Variants in CCDC148 observed in about 807,000 individuals in gnomAD.
CCDC148 encodes coiled-coil domain containing 148.
A neutral mutation model predicts 85.7 loss-of-function variants in CCDC148; 89 were observed. That is an observed-to-expected ratio of 1.04 (90% confidence interval 0.87 to 1.24). CCDC148 has a LOEUF of 1.24. Among genes scored for constraint, CCDC148 ranks in the 50% most tolerant of loss-of-function variants. The probability of loss-of-function intolerance (pLI) is 0.00; values close to 1 mark genes in which losing one functional copy is unlikely to be tolerated. For synonymous variants in CCDC148, 230 were observed against 213.9 expected (o/e 1.08, Z -0.66); for missense variants, 692 against 671.7 (o/e 1.03, Z -0.33).
chr2:158,201,105 T>C (rs896364353), intron 11 of CCDC148, among the ~76,000 whole-genome samples: 13 of 140,622 alleles, frequency 9.2e-5, no homozygotes, highest in African/African-American at 3.3e-4. Flanking sequence ...ATTGTTTCCC[T>C]TACTGTGATG....
At chr2:158,388,036 AAAG>A (rs1407630083) in intron 1 of CCDC148, among the ~76,000 whole-genome samples, 1 of 152,224 alleles carries the variant, frequency 6.6e-6, no homozygotes, top group Non-Finnish European at 1.5e-5. Context: ...AGGAAGGGAC[AAAG>A]AAGAGAAGGA....
chr2:158,414,984 G>T (rs1426513056), intron 1 of CCDC148, among the ~76,000 whole-genome samples: 1 of 151,960 alleles, frequency 6.6e-6, no homozygotes, highest in Admixed American at 6.6e-5. Flanking sequence ...AGAGATAATG[G>T]CAACAATATC....
At chr2:158,354,525 C>A (rs1457187352) in intron 2 of CCDC148, among the ~76,000 whole-genome samples, 1 of 152,024 alleles carries the variant, frequency 6.6e-6, no homozygotes, top group African/African-American at 2.4e-5. Context: ...AAGACTAAAC[C>A]AGGAAGAAGT....
chr2:158,193,109 T>G (rs560785434), intron 11 of CCDC148, among the ~76,000 whole-genome samples: 1 of 152,220 alleles, frequency 6.6e-6, no homozygotes, highest in Admixed American at 6.6e-5. Context: ...TACATCTTTC[T>G]GATATCATGT....
intron 11 of CCDC148, among the ~76,000 whole-genome samples, chr2:158,195,440 C>T (rs559674175): frequency 6.6e-6 from 1 of 152,164 alleles, no homozygotes; most frequent in Admixed American, 6.5e-5. Context: ...ATTCATTTAC[C>T]CCCAAGTAAT....
chr2:158,430,705 T>C (rs1397197470), intron 1 of CCDC148, among the ~76,000 whole-genome samples: 1 of 152,158 alleles, frequency 6.6e-6, no homozygotes, highest in Non-Finnish European at 1.5e-5. Context: ...TATCAAATTA[T>C]CACATGTACC....
At chr2:158,189,354 G>C (rs941260440) in intron 11 of CCDC148, among the ~76,000 whole-genome samples, 1 of 151,892 alleles carries the variant, frequency 6.6e-6, no homozygotes, top group East Asian at 1.9e-4. Context: ...CATCTTCTAT[G>C]TGTAAGGAAA....
intron 9 of CCDC148, among the ~76,000 whole-genome samples, chr2:158,292,819 G>T (rs1442790288): frequency 6.6e-6 from 1 of 152,152 alleles, no homozygotes; most frequent in Non-Finnish European, 1.5e-5. Context: ...AAAACACCAT[G>T]AAGAATATAA....
At chr2:158,198,998 C>A (rs776023828) in intron 11 of CCDC148, among the ~76,000 whole-genome samples, 2 of 152,062 alleles carry the variant, frequency 1.3e-5, no homozygotes, top group Non-Finnish European at 2.9e-5. Flanking sequence ...AGGCAGGGAC[C>A]TTGGGACCAG....
chr2:158,243,316 C>T (rs1382090776), intron 10 of CCDC148, among the ~76,000 whole-genome samples: 1 of 152,016 alleles, frequency 6.6e-6, no homozygotes, highest in South Asian at 2.1e-4. Flanking sequence ...GCATTTGAGT[C>T]GTTTTATCAG....
chr2:158,409,310 C>A (rs1235572715), intron 1 of CCDC148, among the ~76,000 whole-genome samples: 1 of 152,142 alleles, frequency 6.6e-6, no homozygotes, highest in Non-Finnish European at 1.5e-5. Flanking sequence ...TAAACGACAG[C>A]CCATGAAAGC....
At chr2:158,298,008 G>A (rs2105196028) in intron 9 of CCDC148, among the ~76,000 whole-genome samples, 1 of 152,342 alleles carries the variant, frequency 6.6e-6, no homozygotes, top group Admixed American at 6.5e-5. Flanking sequence ...CAGCATGGCT[G>A]GGAGTCCTCA....
At position 158,397,592 on chromosome 2, in the gene CCDC148, C is replaced by T. The variant is rs1247603010; in HGVS notation, c.26-39022G>A. On this transcript the variant is annotated intron_variant, in intron 1 of 13. Coordinates refer to ENST00000283233, the MANE Select transcript of CCDC148 (RefSeq NM_138803.4). ...CCAGCAAATGCTGAGAGATTTTTGT[C>T]ACCACCAGACCTGCCTTACAAGTAT... Among the ~76,000 whole-genome samples, 4 of 152,100 alleles carry T rather than the reference C, an allele frequency of 2.6e-5. No individual in the cohort carries two copies. In the East Asian group the frequency reaches 7.7e-4, roughly 29 times the overall value.
At position 158,294,210 on chromosome 2, in the gene CCDC148, T is replaced by C. The variant is rs952713906; in HGVS notation, c.1110+15223A>G. Among the ~76,000 whole-genome samples, 4 of 152,258 alleles carry C rather than the reference T, an allele frequency of 2.6e-5. No homozygotes were observed. In the East Asian group the frequency reaches 7.7e-4, roughly 29 times the overall value. On this transcript the variant is annotated intron_variant, in intron 9 of 13. Coordinates refer to ENST00000283233, the MANE Select transcript of CCDC148 (RefSeq NM_138803.4). Reference sequence around the variant, plus strand: ...GCCTTTTGTGTCTGACATATTTTGTTTAGCGTAATACATTTGAGATGTGTA... The same window carrying C: ...GCCTTTTGTGTCTGACATATTTTGTCTAGCGTAATACATTTGAGATGTGTA...
At chr2:158,247,684 C>T (rs1175472944) in intron 10 of CCDC148, among the ~76,000 whole-genome samples, 2 of 152,088 alleles carry the variant, frequency 1.3e-5, no homozygotes, top group Non-Finnish European at 2.9e-5. Context: ...TAGTGAATCC[C>T]GTCTCTACTA....
intron 11 of CCDC148, among the ~76,000 whole-genome samples, chr2:158,217,498 G>C (rs1354573971): frequency 6.6e-6 from 1 of 151,612 alleles, no homozygotes; most frequent in Admixed American, 6.6e-5. Context: ...CGCCTCCTGG[G>C]TTCACGCCAT....
At chr2:158,238,846 T>A (rs1423906375) in intron 10 of CCDC148, among the ~76,000 whole-genome samples, 1 of 152,134 alleles carries the variant, frequency 6.6e-6, no homozygotes, top group African/African-American at 2.4e-5. Context: ...AAACTGAGAT[T>A]TCTCAAAATT....
chr2:158,312,151 G>A (rs943315239), intron 8 of CCDC148, among the ~76,000 whole-genome samples: 2 of 152,050 alleles, frequency 1.3e-5, no homozygotes, highest in Non-Finnish European at 2.9e-5. Context: ...AATACTTTAG[G>A]TATAATTAGG....
chr2:158,256,204 T>A (rs565081378), intron 9 of CCDC148, among the ~76,000 whole-genome samples: 7 of 151,462 alleles, frequency 4.6e-5, no homozygotes, highest in Non-Finnish European at 8.8e-5. Context: ...TAAGTGTCAG[T>A]ATGGCATAAA....
Sources: gnomAD v4.1 joint callset for allele counts (sites outside exome capture counted in the v4.1 genomes callset) on GRCh38, gnomAD v4.1.1 for gene constraint, MANE v1.5 for transcripts, NCBI Gene and HGNC (gene_info 2026-07-23, HGNC 2026-07-21) for gene names.